GRM8: variants seen among roughly 807,000 people sequenced by gnomAD.
The protein encoded by GRM8 is glutamate metabotropic receptor 8.
GRM8 carries 47 observed loss-of-function variants against 87.2 expected under a neutral mutation model. The observed-to-expected ratio is 0.54, with a 90% CI of 0.43 to 0.69. The LOEUF is 0.69. GRM8 is among the 30% of genes least tolerant of loss of function. The pLI is 0.00. For synonymous variants in GRM8, 396 were observed against 404.5 expected, an observed-to-expected ratio of 0.98 and a Z score of 0.25; for missense variants, 1,019 against 1,139.2, an observed-to-expected ratio of 0.89 and a Z score of 1.52.
At chr7:127,196,149 G>A (rs922176379) in intron 2 of GRM8, among the ~76,000 whole-genome samples, 1 of 152,110 alleles carries the variant, frequency 6.6e-6, no homozygotes, top group Non-Finnish European at 1.5e-5. Flanking sequence ...AGTTTGGGGG[G>A]ATTCCTATAC....
chr7:126,623,335 T>A (rs772091727), intron 7 of GRM8, among the ~76,000 whole-genome samples: 23 of 152,200 alleles, frequency 1.5e-4, no homozygotes, highest in Non-Finnish European at 2.6e-4. Flanking sequence ...TTTAATATAC[T>A]TTATGTAAAC....
At chr7:126,629,808 C>T (rs978600330) in intron 7 of GRM8, among the ~76,000 whole-genome samples, 9 of 152,068 alleles carry the variant, frequency 5.9e-5, no homozygotes, top group East Asian at 3.8e-4. Flanking sequence ...CTACACTGCA[C>T]GCATAACAAT....
chr7:126,454,398 C>A (rs1208257771), intron 9 of GRM8, among the ~76,000 whole-genome samples: 1 of 151,676 alleles, frequency 6.6e-6, no homozygotes, highest in Non-Finnish European at 1.5e-5. Flanking sequence ...GGCACTAAAT[C>A]TTGGTCAGAT....
At chr7:127,032,736 C>T (rs1378374970) in intron 3 of GRM8, among the ~76,000 whole-genome samples, 1 of 152,150 alleles carries the variant, frequency 6.6e-6, no homozygotes, top group Non-Finnish European at 1.5e-5. Context: ...CTCCAACTCT[C>T]CCCAGTATGG....
chr7:126,643,319 AATATATATATATAT>A lies in GRM8; in HGVS notation c.1358-33835_1358-33822del, dbSNP rs1198296006. 5.4e-3 allele frequency among the ~76,000 whole-genome samples: 196 copies of A among 36,112 alleles called. 2 individuals carry two copies. The highest frequency in any genetic ancestry group is 8.8e-3 in the African/African-American group (69 of 7,820). 23.7% of individuals were successfully genotyped at this position (36,112 alleles called of 152,430 possible). ...AAAAAAAAAAAAAAAAAAAAAAAAA[AATATATATATATAT>A]ATATATATATATATATATATATAGT... is the stretch of plus-strand genomic sequence containing the variant. On this transcript the variant is annotated intron_variant, in intron 7 of 10. Coordinates refer to ENST00000339582, the MANE Select transcript of GRM8 (RefSeq NM_000845.3).
At chr7:127,163,625 T>G (rs1793259872) in intron 2 of GRM8, among the ~76,000 whole-genome samples, 1 of 152,186 alleles carries the variant, frequency 6.6e-6, no homozygotes. Context: ...TTTTTTCAAG[T>G]GGGCTTTACC....
At chr7:126,569,517 G>A (rs1425595170) in intron 8 of GRM8, among the ~76,000 whole-genome samples, 10 of 152,180 alleles carry the variant, frequency 6.6e-5, no homozygotes, top group African/African-American at 1.2e-4. Context: ...AGAGCTGCCA[G>A]TCAAATACTG....
chr7:126,585,715 G>A (rs1465225158), intron 8 of GRM8, among the ~76,000 whole-genome samples: 3 of 152,098 alleles, frequency 2.0e-5, no homozygotes, highest in African/African-American at 7.2e-5. Context: ...CAAACCCACA[G>A]CCAATATCAT....
In GRM8 at chr7:126,817,130, CCTTTT is replaced by C. The variant is rs975808117; in HGVS notation, c.1157-47070_1157-47066del. Among the ~76,000 whole-genome samples the C allele has an allele frequency of 4.8e-4, 73 of 152,026 alleles. 1 individual carries two copies. Among genetic ancestry groups the C allele is most frequent in the African/African-American group, 1.6e-3 (67 of 41,508 alleles). On this transcript the variant is annotated intron_variant, in intron 6 of 10. Transcript: ENST00000339582. ...CAATTGTTTCCACACATTTATGGCT[CCTTTT>C]CTTCATTTCTATTTTTCTTTAAAAT...
At chr7:126,622,893 A>G (rs900093668) in intron 7 of GRM8, among the ~76,000 whole-genome samples, 1 of 152,158 alleles carries the variant, frequency 6.6e-6, no homozygotes, top group African/African-American at 2.4e-5. Flanking sequence ...TCCACTGATG[A>G]GTCTCAAATT....
chr7:127,123,645 C>T (rs1340524789), intron 2 of GRM8, among the ~76,000 whole-genome samples: 2 of 152,098 alleles, frequency 1.3e-5, no homozygotes, highest in East Asian at 3.9e-4. Context: ...CTCAGGTATT[C>T]CTTTATAGCC....
intron 7 of GRM8, among the ~76,000 whole-genome samples, chr7:126,744,290 GGGTGTTT>G (rs1321084221): frequency 6.6e-6 from 1 of 151,910 alleles, no homozygotes; most frequent in Non-Finnish European, 1.5e-5. Context: ...ATTAAGACTT[GGGTGTTT>G]GGAAGATTTT....
chr7:127,152,806 C>T (rs1300207627), intron 2 of GRM8, among the ~76,000 whole-genome samples: 1 of 152,050 alleles, frequency 6.6e-6, no homozygotes. Flanking sequence ...AAGGTAAAAC[C>T]ATGAATAAAA....
intron 3 of GRM8, among the ~76,000 whole-genome samples, chr7:127,079,929 G>A (rs1422996987): frequency 2.6e-5 from 4 of 152,078 alleles, no homozygotes. Flanking sequence ...ATAAACGATT[G>A]TAACACCTAA....
At chr7:127,073,960 C>T (rs932318045) in intron 3 of GRM8, among the ~76,000 whole-genome samples, 4 of 152,112 alleles carry the variant, frequency 2.6e-5, no homozygotes, top group African/African-American at 9.7e-5. Context: ...TTAATCAAAC[C>T]TTAGGTAACC....
chr7:126,441,495 CA>C (rs1418502032), intron 10 of GRM8, among the ~76,000 whole-genome samples: 1 of 151,914 alleles, frequency 6.6e-6, no homozygotes, highest in East Asian at 1.9e-4. Flanking sequence ...TCCTAAAATT[CA>C]AATGTGATGT....
At chr7:126,588,334 C>G (rs1037040346) in intron 8 of GRM8, among the ~76,000 whole-genome samples, 2 of 152,128 alleles carry the variant, frequency 1.3e-5, no homozygotes, top group African/African-American at 2.4e-5. Flanking sequence ...TTGCCTTTCT[C>G]TGATGATTAC....
At chr7:126,601,580 C>T (rs1427230303) in intron 8 of GRM8, among the ~76,000 whole-genome samples, 2 of 149,444 alleles carry the variant, frequency 1.3e-5, no homozygotes, top group African/African-American at 4.9e-5. Context: ...TCTCCACATC[C>T]TCTCCAGCAC....
At chr7:126,899,936 T>C (rs1801903884) in intron 6 of GRM8, among the ~76,000 whole-genome samples, 1 of 152,030 alleles carries the variant, frequency 6.6e-6, no homozygotes, top group Non-Finnish European at 1.5e-5. Flanking sequence ...CAGCTGCAAG[T>C]CCCTGCAGCA....
Sources: gnomAD v4.1 joint callset for allele counts (sites outside exome capture counted in the v4.1 genomes callset) on GRCh38, gnomAD v4.1.1 for gene constraint, MANE v1.5 for transcripts, NCBI Gene and HGNC (gene_info 2026-07-23, HGNC 2026-07-21) for gene names.